The following DNAH6 variants were observed in gnomAD, a reference collection of about 807,000 sequenced individuals.
DNAH6 encodes axonemal beta dynein heavy chain 6.
DNAH6 carries 340 observed loss-of-function variants against 491.4 expected under a neutral mutation model. The observed-to-expected ratio is 0.69, with a 90% CI of 0.63 to 0.76. DNAH6 has a LOEUF of 0.76. Ranked by LOEUF, DNAH6 falls within the 30% of genes least tolerant of loss-of-function variation. DNAH6 has a pLI of 0.00. For missense variants in DNAH6, 4,443 were observed against 4,972.2 expected (o/e 0.89, Z 3.20); for synonymous variants, 1,603 against 1,686.1 (o/e 0.95, Z 1.21).
chr2:84,775,728 A>G (rs941925570), intron 64 of DNAH6, among the ~76,000 whole-genome samples: 83 of 151,990 alleles, frequency 5.5e-4, no homozygotes, highest in Non-Finnish European at 5.4e-4. Context: ...TCCTGGTTCA[A>G]TCTTGGGAGT....
rs1572983154 is a variant in DNAH6, at chr2:84,548,478, T to G, written c.1316+61T>G. On this transcript the variant is annotated intron_variant, in intron 8 of 76. Coordinates refer to ENST00000389394, the MANE Select transcript of DNAH6 (RefSeq NM_001370.2). ...ACCCATCTTAAGCTGCATTAAAAAT[T>G]AAACCCCAGAAAGTGATGACTATGT... 11 of 1,590,814 alleles carry G rather than the reference T, an allele frequency of 6.9e-6. No individual in the cohort carries two copies. In the East Asian group the frequency reaches 2.5e-4, roughly 36 times the overall value.
intron 15 of DNAH6, among the ~76,000 whole-genome samples, chr2:84,586,339 C>T (rs1388681508): frequency 6.6e-6 from 1 of 152,220 alleles, no homozygotes; most frequent in Non-Finnish European, 1.5e-5. Context: ...CAGCCCTGGC[C>T]ATGCCTCCCT....
At chr2:84,721,886 G>A (rs574525688) in intron 59 of DNAH6, among the ~76,000 whole-genome samples, 1 of 152,222 alleles carries the variant, frequency 6.6e-6, no homozygotes, top group African/African-American at 2.4e-5. Context: ...CCAACCCAGG[G>A]ATATCCACCT....
At chr2:84,714,403 A>T (rs1248781964) in intron 57 of DNAH6, among the ~76,000 whole-genome samples, 1 of 152,192 alleles carries the variant, frequency 6.6e-6, no homozygotes, top group Non-Finnish European at 1.5e-5. Flanking sequence ...CTCATGTCCC[A>T]AGTCCCATTT....
At chr2:84,633,819 T>C (rs565457183) in intron 29 of DNAH6, among the ~76,000 whole-genome samples, 1 of 152,240 alleles carries the variant, frequency 6.6e-6, no homozygotes, top group South Asian at 2.1e-4. Context: ...CTATCAGCCT[T>C]TCTGTGATTT....
Position 84,610,190 on chromosome 2 carries a change from A to G in DNAH6, c.3295-1484A>G, listed in dbSNP as rs140332814. 5.3e-5 allele frequency among the ~76,000 whole-genome samples: 8 copies of G among 152,290 alleles called. 1 individual carries two copies. Among genetic ancestry groups the G allele is most frequent in the South Asian group, 4.1e-4 (2 of 4,824 alleles). On this transcript the variant is annotated intron_variant, in intron 21 of 76. Transcript: ENST00000389394. ...TGGCACTCAGCTAGAGGCCATCCTC[A>G]GCTCCTAGATGTTGCCAACAGCTTT...
At chr2:84,680,476 T>A (rs1693677497) in intron 41 of DNAH6, among the ~76,000 whole-genome samples, 1 of 152,012 alleles carries the variant, frequency 6.6e-6, no homozygotes, top group Non-Finnish European at 1.5e-5. Context: ...GAAAGGCCTC[T>A]CTGGAGAGAC....
At chr2:84,544,692 G>T (rs568624040) in intron 5 of DNAH6, among the ~76,000 whole-genome samples, 192 bp downstream of exon 5, 1 of 152,218 alleles carries the variant, frequency 6.6e-6, no homozygotes, top group Non-Finnish European at 1.5e-5. Context: ...AACTAGGGTT[G>T]CAAAATGCAA....
intron 4 of DNAH6, among the ~76,000 whole-genome samples, chr2:84,538,004 T>C (rs1316090672): frequency 2.0e-5 from 3 of 152,146 alleles, no homozygotes; most frequent in Non-Finnish European, 4.4e-5. Flanking sequence ...TTAGCTCATT[T>C]AATCTCCACA....
chr2:84,633,505 T>C (rs1688592563), intron 29 of DNAH6, among the ~76,000 whole-genome samples: 1 of 151,236 alleles, frequency 6.6e-6, no homozygotes, highest in Non-Finnish European at 1.5e-5. Context: ...CAAATATTTC[T>C]CTAGGGCCTG....
At chr2:84,490,005 T>A in the DNAH6 span, among the ~76,000 whole-genome samples, 2 of 152,318 alleles carry the variant, frequency 1.3e-5, no homozygotes, top group East Asian at 3.9e-4. Flanking sequence ...TTTCTGAATC[T>A]TGTGTCCCTC....
At chr2:84,578,534 T>C (rs1357831625) in intron 13 of DNAH6, among the ~76,000 whole-genome samples, 3 of 152,156 alleles carry the variant, frequency 2.0e-5, no homozygotes, top group Admixed American at 2.0e-4. Flanking sequence ...TTCTTTCTCT[T>C]TCCTGAGCCT....
rs181798591 is a variant in DNAH6 at position 84,580,715 on chromosome 2, C to T, written c.2229+1036C>T. ...AAATTGTCCTAGGAGTCTAAAGATG[C>T]GAATTGCTTATTATTGTTTGTATTC... is the stretch of plus-strand genomic sequence containing the variant. On this transcript the variant is annotated intron_variant, in intron 14 of 76. Coordinates refer to ENST00000389394, the MANE Select transcript of DNAH6 (RefSeq NM_001370.2). Among the ~76,000 whole-genome samples, 267 of 149,850 alleles carry T rather than the reference C, an allele frequency of 1.8e-3. 1 individual carries two copies. The highest frequency in any genetic ancestry group is 2.5e-3 in the Non-Finnish European group (167 of 67,494).
In DNAH6 at chr2:84,727,614, T is replaced by C. The variant is rs546920384; in HGVS notation, c.9973-55T>C. 34 of 1,154,272 alleles carry C rather than the reference T, an allele frequency of 2.9e-5. No homozygotes were observed. The African/African-American group carries it at 3.4e-4, about 12-fold the overall frequency. The allele number at this position is 1,154,272 out of a possible 1,614,324, so 71.5% of individuals were successfully genotyped here. On this transcript the variant is annotated intron_variant, in intron 60 of 76. Coordinates refer to ENST00000389394, the MANE Select transcript of DNAH6 (RefSeq NM_001370.2). Reference sequence around the variant, plus strand: ...CGAACAAGGGAGACAGATTTTTTGTTCTCTGCAGAGAATGAATTAAATCAG... The same window carrying C: ...CGAACAAGGGAGACAGATTTTTTGTCCTCTGCAGAGAATGAATTAAATCAG...
chr2:84,765,330 G>A (rs1252357048), intron 64 of DNAH6, among the ~76,000 whole-genome samples: 1 of 151,932 alleles, frequency 6.6e-6, no homozygotes, highest in Non-Finnish European at 1.5e-5. Context: ...GCTGGATTGT[G>A]GATACATGAA....
At chr2:84,812,164 G>A (rs1022708831) in intron 72 of DNAH6, among the ~76,000 whole-genome samples, 177 bp from the exon 73 acceptor site, 13 of 152,208 alleles carry the variant, frequency 8.5e-5, no homozygotes, top group East Asian at 5.8e-4. Context: ...CAACGGTCAC[G>A]TATTGTAGTA....
intron 16 of DNAH6, among the ~76,000 whole-genome samples, chr2:84,593,587 T>A (rs780577817): frequency 8.5e-5 from 13 of 152,186 alleles, no homozygotes; most frequent in Non-Finnish European, 1.6e-4. Context: ...TTCTGCCCTT[T>A]AAGTACAGAA....
chr2:84,678,556 A>G (rs1009651697), intron 41 of DNAH6, among the ~76,000 whole-genome samples: 2 of 152,104 alleles, frequency 1.3e-5, no homozygotes, highest in Non-Finnish European at 2.9e-5. Flanking sequence ...CTACAAAAAC[A>G]TCGTTCTTCA....
At chr2:84,527,850 G>A (rs940101326) in intron 3 of DNAH6, among the ~76,000 whole-genome samples, 1 of 152,186 alleles carries the variant, frequency 6.6e-6, no homozygotes, top group African/African-American at 2.4e-5. Flanking sequence ...ATACATCCCT[G>A]CAGAAATGGC....
Sources: allele counts gnomAD v4.1 joint callset (sites outside exome capture counted in the v4.1 genomes callset), GRCh38; gene constraint gnomAD v4.1.1; transcripts MANE v1.5; gene names NCBI Gene and HGNC (gene_info 2026-07-23, HGNC 2026-07-21).